FOXP2: variants seen among roughly 807,000 people sequenced by gnomAD.
FOXP2 encodes the protein forkhead box protein P2.
In FOXP2, 12 loss-of-function variants were observed where a neutral mutation model predicts 115.8. The ratio of observed to expected loss-of-function variants is 0.10; its 90% CI spans 0.07 to 0.17. The LOEUF (loss-of-function observed/expected upper bound fraction) is 0.17, where lower values mean the gene tolerates loss of function less well. FOXP2 is among the 10% of genes least tolerant of loss of function. The pLI is 1.00. For synonymous variants in FOXP2, 328 were observed against 297.7 expected (o/e 1.10, Z -1.05); for missense variants, 629 against 843.5 (o/e 0.75, Z 3.15).
At chr7:114,472,680 T>A (rs1220671838) in intron 2 of FOXP2, among the ~76,000 whole-genome samples, 1 of 152,176 alleles carries the variant, frequency 6.6e-6, no homozygotes, top group African/African-American at 2.4e-5. Flanking sequence ...TTTGAAATGG[T>A]ATTACTACTC....
chr7:114,614,910 G>T (rs1220585998), intron 3 of FOXP2, among the ~76,000 whole-genome samples: 1 of 152,038 alleles, frequency 6.6e-6, no homozygotes, highest in Non-Finnish European at 1.5e-5. Flanking sequence ...TATGCCCCCA[G>T]ATCTTCTCTT....
chr7:114,332,640 T>C (rs907954940), intron 2 of FOXP2, among the ~76,000 whole-genome samples: 1 of 152,268 alleles, frequency 6.6e-6, no homozygotes, highest in African/African-American at 2.4e-5. Context: ...TGACTGCAAA[T>C]ACTGCTACTG....
At chr7:114,348,199 A>T (rs1791393711) in intron 2 of FOXP2, among the ~76,000 whole-genome samples, 1 of 152,082 alleles carries the variant, frequency 6.6e-6, no homozygotes, top group Non-Finnish European at 1.5e-5. Flanking sequence ...AAATACATTT[A>T]AAAATGATTA....
chr7:114,556,819 GT>G (rs1216156934), intron 3 of FOXP2, among the ~76,000 whole-genome samples: 1 of 152,134 alleles, frequency 6.6e-6, no homozygotes, highest in African/African-American at 2.4e-5. Context: ...GTTTTTTCTA[GT>G]TTATTGCTTA....
At chr7:114,548,034 C>A (rs1800018810) in intron 3 of FOXP2, among the ~76,000 whole-genome samples, 1 of 152,190 alleles carries the variant, frequency 6.6e-6, no homozygotes, top group South Asian at 2.1e-4. Flanking sequence ...GGTACAACTG[C>A]TCAAGGATGA....
intron 2 of FOXP2, among the ~76,000 whole-genome samples, chr7:114,495,156 A>G (rs1282396525): frequency 6.6e-6 from 1 of 152,178 alleles, no homozygotes; most frequent in East Asian, 1.9e-4. Flanking sequence ...TGAATACTTG[A>G]TCAAAGTTAA....
intron 1 of FOXP2, among the ~76,000 whole-genome samples, chr7:114,147,803 T>G (rs1221181271): frequency 6.6e-6 from 1 of 152,140 alleles, no homozygotes; most frequent in African/African-American, 2.4e-5. Flanking sequence ...TCAATGGGAA[T>G]AACTCCCACC....
intron 2 of FOXP2, among the ~76,000 whole-genome samples, chr7:114,493,026 A>G (rs562615308): frequency 6.6e-6 from 1 of 152,196 alleles, no homozygotes; most frequent in South Asian, 2.1e-4. Context: ...GTCTCCCATT[A>G]TTATTGTGTA....
At chr7:114,519,755 C>A (rs1219374609) in intron 2 of FOXP2, among the ~76,000 whole-genome samples, 1 of 152,158 alleles carries the variant, frequency 6.6e-6, no homozygotes, top group Non-Finnish European at 1.5e-5. Flanking sequence ...GGTTTAATGT[C>A]TTCCGAGACA....
chr7:114,659,894 G>A (rs1806776700), intron 13 of FOXP2, among the ~76,000 whole-genome samples: 1 of 152,160 alleles, frequency 6.6e-6, no homozygotes. Flanking sequence ...CTGAGGCTTG[G>A]CAGAGAAACG....
chr7:114,369,415 G>T (rs530923645), intron 2 of FOXP2, among the ~76,000 whole-genome samples: 1 of 152,166 alleles, frequency 6.6e-6, no homozygotes, highest in East Asian at 1.9e-4. Flanking sequence ...CAAGAGTTCT[G>T]TTCAATCTAC....
At chr7:114,513,915 C>T (rs758815130) in intron 2 of FOXP2, among the ~76,000 whole-genome samples, 1 of 151,848 alleles carries the variant, frequency 6.6e-6, no homozygotes, top group Admixed American at 6.6e-5. Flanking sequence ...AAAATAGGGT[C>T]CAAACTGCTA....
At chr7:114,684,431 G>T (rs1437053520) in intron 16 of FOXP2, among the ~76,000 whole-genome samples, 1 of 152,146 alleles carries the variant, frequency 6.6e-6, no homozygotes, top group Non-Finnish European at 1.5e-5. Flanking sequence ...CTAAAACTAT[G>T]GGATGCCCAA....
At chr7:114,370,408 C>T (rs1392233914) in intron 2 of FOXP2, among the ~76,000 whole-genome samples, 2 of 152,228 alleles carry the variant, frequency 1.3e-5, no homozygotes, top group Non-Finnish European at 2.9e-5. Flanking sequence ...GGCCAACAGA[C>T]ATGAACAAAT....
intron 2 of FOXP2, among the ~76,000 whole-genome samples, chr7:114,394,219 A>T (rs1020596087): frequency 2.6e-5 from 4 of 152,136 alleles, no homozygotes; most frequent in Admixed American, 1.3e-4. Context: ...TTAAGGAAAC[A>T]CTTAAGGAAT....
chr7:114,357,656 A>G (rs181885606), intron 2 of FOXP2, among the ~76,000 whole-genome samples: 253 of 152,088 alleles, frequency 1.7e-3, no homozygotes, highest in Middle Eastern at 3.4e-3. Flanking sequence ...TGCCTTCATC[A>G]CTCTCAGTGA....
At position 114,095,830 on chromosome 7, in the gene FOXP2, A is replaced by C. The variant is rs1262171254; in HGVS notation, c.-247+7992A>C. Among the ~76,000 whole-genome samples the C allele has an allele frequency of 2.6e-5, 4 of 152,198 alleles. No homozygotes were observed. In the East Asian group the frequency reaches 7.7e-4, roughly 29 times the overall value. ...TTTAATGGACTTTACATGCACAGAC[A>C]TACATTATCCAGTCTATGCATTGTG... On this transcript the variant is annotated intron_variant, in intron 1 of 19. Transcript: ENST00000635638.
chr7:114,593,811 T>TA (rs1191602166), intron 3 of FOXP2, among the ~76,000 whole-genome samples: 2 of 152,022 alleles, frequency 1.3e-5, no homozygotes, highest in Non-Finnish European at 1.5e-5. Context: ...AAGCAGTTTA[T>TA]ATTGCAAATA....
chr7:114,179,670 A>C (rs1793407839), intron 1 of FOXP2, among the ~76,000 whole-genome samples: 1 of 152,042 alleles, frequency 6.6e-6, no homozygotes, highest in Non-Finnish European at 1.5e-5. Context: ...CGAAGACTTT[A>C]AAATGGTTGA....
Sources: gnomAD v4.1 joint callset for allele counts (sites outside exome capture counted in the v4.1 genomes callset) on GRCh38, gnomAD v4.1.1 for gene constraint, MANE v1.5 for transcripts, NCBI Gene and HGNC (gene_info 2026-07-23, HGNC 2026-07-21) for gene names.